Variants in STK32A observed in about 807,000 individuals in gnomAD.
The protein encoded by STK32A is serine/threonine-protein kinase 32A.
A neutral mutation model predicts 53.2 loss-of-function variants in STK32A; 41 were observed. The ratio of observed to expected loss-of-function variants is 0.77; its 90% CI spans 0.60 to 1.00. The LOEUF (loss-of-function observed/expected upper bound fraction) is 1.00. STK32A is among the 50% of genes least tolerant of loss of function. The pLI is 0.00. For missense variants in STK32A, 458 were observed against 485.8 expected, an observed-to-expected ratio of 0.94 and a Z score of 0.54; for synonymous variants, 166 against 162.8, an observed-to-expected ratio of 1.02 and a Z score of -0.15.
the STK32A span, chr5:147,397,884 A>ATAGAAATAG: frequency 6.4e-7 from 1 of 1,552,956 alleles, no homozygotes. Flanking sequence ...CAGTAAGGGT[A>ATAGAAATAG]GAGAAAGAGG....
chr5:147,397,174 CTA>C, the STK32A span, among the ~76,000 whole-genome samples: 5,630 of 147,832 alleles, frequency 0.038, 373 homozygotes, highest in African/African-American at 0.13. Context: ...ATCTATAGAC[CTA>C]TATATATATA....
chr5:147,369,032 A>G (rs952935075), intron 8 of STK32A, among the ~76,000 whole-genome samples: 3 of 152,144 alleles, frequency 2.0e-5, no homozygotes, highest in Admixed American at 2.0e-4. Context: ...AATCATATGG[A>G]GTAACCTAAC....
intron 8 of STK32A, among the ~76,000 whole-genome samples, chr5:147,362,117 A>T (rs901703008): frequency 2.0e-5 from 3 of 152,218 alleles, no homozygotes; most frequent in Non-Finnish European, 4.4e-5. Context: ...TAAACTAAGA[A>T]TCTCTTTCCC....
intron 2 of STK32A, among the ~76,000 whole-genome samples, chr5:147,256,778 C>T (rs1027106477): frequency 2.0e-5 from 3 of 152,080 alleles, no homozygotes; most frequent in African/African-American, 7.2e-5. Context: ...TCCCAAAGTG[C>T]TGGGATTACA....
intron 4 of STK32A, among the ~76,000 whole-genome samples, chr5:147,320,658 G>T (rs560741481): frequency 6.6e-6 from 1 of 152,204 alleles, no homozygotes; most frequent in Non-Finnish European, 1.5e-5. Flanking sequence ...CAGGGGAACC[G>T]CATTTAATAT....
At chr5:147,261,947 T>C (rs1189980709) in intron 2 of STK32A, among the ~76,000 whole-genome samples, 1 of 152,176 alleles carries the variant, frequency 6.6e-6, no homozygotes, top group Admixed American at 6.5e-5. Flanking sequence ...GATACATTTA[T>C]AGGGGACCCT....
chr5:147,380,830 C>T (rs1207977199), intron 11 of STK32A, among the ~76,000 whole-genome samples: 2 of 152,160 alleles, frequency 1.3e-5, no homozygotes, highest in African/African-American at 4.8e-5. Flanking sequence ...TTAGGCTATT[C>T]ACAAAATCCA....
intron 5 of STK32A, among the ~76,000 whole-genome samples, chr5:147,330,927 C>T (rs1754837759): frequency 6.6e-6 from 1 of 152,218 alleles, no homozygotes; most frequent in African/African-American, 2.4e-5. Flanking sequence ...TAGTTTATTT[C>T]AGGCAGAGAT....
At position 147,367,862 on chromosome 5, in the gene STK32A, C is replaced by T. The variant is rs796218779; in HGVS notation, c.661-2792C>T. Among the ~76,000 whole-genome samples, 12 of 152,296 alleles carry T rather than the reference C, an allele frequency of 7.9e-5. 1 individual carries two copies. In the South Asian group the frequency reaches 2.5e-3, roughly 32 times the overall value. The stretch of plus-strand genomic sequence containing the variant: ...TAGACACCTTCTAGGAAAAAATGAC[C>T]AACTATGCTACCTGCAATTACGTTT... On this transcript the variant is annotated intron_variant, in intron 8 of 12. Coordinates refer to ENST00000397936, the MANE Select transcript of STK32A (RefSeq NM_001112724.2).
the STK32A span, chr5:147,392,881 C>T: frequency 3.7e-4 from 56 of 152,220 alleles, no homozygotes; most frequent in African/African-American, 1.2e-3. Context: ...CTTTGGCTTT[C>T]CCAGTTCCCC....
rs894541446 is a variant in STK32A at position 147,289,997 on chromosome 5, G to A, written c.260+10599G>A. 5.3e-5 allele frequency among the ~76,000 whole-genome samples: 8 copies of A among 152,172 alleles called. No homozygotes were observed. In the East Asian group the frequency reaches 7.7e-4, roughly 15 times the overall value. ...TTTTAGTATATGGCCCAAATATCACGAGATATATTTTTACTGAAAATTTTT... is the reference window on the plus strand; with the variant it reads ...TTTTAGTATATGGCCCAAATATCACAAGATATATTTTTACTGAAAATTTTT... On this transcript the variant is annotated intron_variant, in intron 4 of 12. Transcript: ENST00000397936.
chr5:147,329,299 G>A, intron 5 of STK32A, among the ~76,000 whole-genome samples: 1 of 152,062 alleles, frequency 6.6e-6, no homozygotes, highest in East Asian at 1.9e-4. Context: ...TGACCTCTTG[G>A]GCTGGAGTAG....
chr5:147,326,503 C>T (rs188690903), intron 5 of STK32A, among the ~76,000 whole-genome samples: 2 of 152,316 alleles, frequency 1.3e-5, no homozygotes, highest in East Asian at 1.9e-4. Context: ...TTTTGTACCT[C>T]TCCTGAGGAG....
rs748449577 is a variant in STK32A, at chr5:147,361,595, A to G, written c.641A>G (p.Tyr214Cys). 3.7e-6 allele frequency: 6 copies of G among 1,612,912 alleles called. No homozygotes were observed. Among genetic ancestry groups the G allele is most frequent in the Non-Finnish European group, 5.1e-6 (6 of 1,179,186 alleles). The change falls in exon 8 of 13, where the codon TAT becomes TGT. Residue 214 changes from tyrosine to cysteine, a missense_variant. Physicochemically the swap from Tyr to Cys is radical, Grantham distance 194. Coordinates refer to ENST00000397936, the MANE Select transcript of STK32A (RefSeq NM_001112724.2). ...TGGTGGTCCCTGGGAGTGACGGCATATGAACTGCTGAGAGGCCGGGTACTG... is the reference window on the plus strand; with the variant it reads ...TGGTGGTCCCTGGGAGTGACGGCATGTGAACTGCTGAGAGGCCGGGTACTG... ...VDWWSLGVTA[Y>C]ELLRGRRPYH...
At chr5:147,287,226 G>A (rs1752387281) in intron 4 of STK32A, among the ~76,000 whole-genome samples, 1 of 152,106 alleles carries the variant, frequency 6.6e-6, no homozygotes, top group Non-Finnish European at 1.5e-5. Context: ...GTTACCTCCT[G>A]TTCTTTTCTT....
chr5:147,373,956 T>C (rs1223511192), intron 10 of STK32A, among the ~76,000 whole-genome samples: 1 of 152,128 alleles, frequency 6.6e-6, no homozygotes, highest in African/African-American at 2.4e-5. Context: ...TGTAGGTATA[T>C]TGGGCAGAAT....
chr5:147,307,442 G>A (rs1374996493), intron 4 of STK32A, among the ~76,000 whole-genome samples: 1 of 151,824 alleles, frequency 6.6e-6, no homozygotes, highest in African/African-American at 2.4e-5. Flanking sequence ...CCAACATGGT[G>A]AAACACCATC....
intron 4 of STK32A, among the ~76,000 whole-genome samples, chr5:147,312,574 T>C (rs1753756377): frequency 6.6e-6 from 1 of 152,214 alleles, no homozygotes; most frequent in South Asian, 2.1e-4. Flanking sequence ...CACTTATATG[T>C]GTTAAAGAAG....
At chr5:147,399,972 G>A in the STK32A span, among the ~76,000 whole-genome samples, 2 of 152,080 alleles carry the variant, frequency 1.3e-5, no homozygotes, top group Non-Finnish European at 2.9e-5. Context: ...GAGCTTCCTG[G>A]GAGCAAAGAA....
Sources: allele counts gnomAD v4.1 joint callset (sites outside exome capture counted in the v4.1 genomes callset), GRCh38; gene constraint gnomAD v4.1.1; transcripts MANE v1.5; gene names NCBI Gene and HGNC (gene_info 2026-07-23, HGNC 2026-07-21).